GABRG3: variants seen among roughly 807,000 people sequenced by gnomAD.
The protein encoded by GABRG3 is gamma-aminobutyric acid type A receptor subunit gamma3.
A neutral mutation model predicts 48.8 loss-of-function variants in GABRG3; 25 were observed. That is an observed-to-expected ratio of 0.51 (90% CI 0.37 to 0.72). The LOEUF is 0.72. Ranked by LOEUF, GABRG3 falls within the 30% of genes least tolerant of loss-of-function variation. The pLI, the probability that GABRG3 is intolerant of heterozygous loss-of-function variation, is 0.00. For missense variants in GABRG3, 394 were observed against 577.9 expected, an observed-to-expected ratio of 0.68 and a Z score of 3.26; for synonymous variants, 227 against 217.6, an observed-to-expected ratio of 1.04 and a Z score of -0.38.
At chr15:27,003,886 GC>G (rs1487806051) in intron 2 of GABRG3, among the ~76,000 whole-genome samples, 1 of 148,496 alleles carries the variant, frequency 6.7e-6, no homozygotes, top group African/African-American at 2.5e-5. Flanking sequence ...AGACGGGGCG[GC>G]TGGCCGGGCA....
At chr15:27,135,444 T>C (rs1897991952) in intron 3 of GABRG3, among the ~76,000 whole-genome samples, 1 of 152,246 alleles carries the variant, frequency 6.6e-6, no homozygotes, top group Admixed American at 6.5e-5. Context: ...CTCATTTGTT[T>C]AGCAGATCTT....
chr15:27,467,342 G>GT (rs1450358873), intron 5 of GABRG3, among the ~76,000 whole-genome samples: 5 of 152,326 alleles, frequency 3.3e-5, no homozygotes, highest in African/African-American at 9.6e-5. Flanking sequence ...GTATGAATTT[G>GT]TGGGGGGGAC....
At chr15:27,161,958 C>A (rs1424307640) in intron 3 of GABRG3, among the ~76,000 whole-genome samples, 3 of 151,950 alleles carry the variant, frequency 2.0e-5, no homozygotes, top group Non-Finnish European at 4.4e-5. Flanking sequence ...TAAAAGATAT[C>A]CTCCCTGTCT....
chr15:26,995,461 G>A (rs536888500), intron 2 of GABRG3, among the ~76,000 whole-genome samples: 11 of 150,978 alleles, frequency 7.3e-5, no homozygotes, highest in Non-Finnish European at 1.6e-4. Flanking sequence ...TTGCTAATAT[G>A]GTTAGACTTA....
intron 5 of GABRG3, among the ~76,000 whole-genome samples, chr15:27,432,537 C>G (rs1888487463): frequency 6.6e-6 from 1 of 152,164 alleles, no homozygotes; most frequent in Admixed American, 6.5e-5. Context: ...GCCTGATCAC[C>G]TCAGAGAGGC....
At chr15:27,387,820 G>GGAGGGAGA (rs1319373585) in intron 5 of GABRG3, among the ~76,000 whole-genome samples, 6 of 114,816 alleles carry the variant, frequency 5.2e-5, no homozygotes, top group Non-Finnish European at 1.1e-4. Context: ...AGGGAGGGAG[G>GGAGGGAGA]GAGGGAGAGA....
chr15:27,080,132 T>C (rs1896968811), intron 3 of GABRG3, among the ~76,000 whole-genome samples: 1 of 151,958 alleles, frequency 6.6e-6, no homozygotes. Flanking sequence ...ACCATTTCTG[T>C]AGCAAGGGGC....
intron 3 of GABRG3, among the ~76,000 whole-genome samples, chr15:27,054,205 C>T (rs926587470): frequency 6.6e-5 from 10 of 151,606 alleles, no homozygotes; most frequent in Admixed American, 6.6e-5. Flanking sequence ...CACCACTATA[C>T]TCCAGCCTGG....
At chr15:27,045,224 C>T (rs1896342355) in intron 3 of GABRG3, among the ~76,000 whole-genome samples, 2 of 152,152 alleles carry the variant, frequency 1.3e-5, no homozygotes, top group African/African-American at 4.8e-5. Flanking sequence ...CTTATGAGCC[C>T]AGAGGGCTGA....
chr15:27,037,543 T>C (rs1002142253), intron 3 of GABRG3, among the ~76,000 whole-genome samples: 1 of 152,136 alleles, frequency 6.6e-6, no homozygotes, highest in Non-Finnish European at 1.5e-5. Context: ...GAGGGAGAGT[T>C]GTGTGTCTCT....
At position 26,976,535 on chromosome 15, in the gene GABRG3, G is replaced by A. The variant is rs559274606; in HGVS notation, c.54-467G>A. Among the ~76,000 whole-genome samples, 5 of 152,058 alleles carry A rather than the reference G, an allele frequency of 3.3e-5. No individual in the cohort carries two copies. The South Asian group carries it at 1.0e-3, about 32-fold the overall frequency. On this transcript the variant is annotated intron_variant, in intron 1 of 9. Transcript: ENST00000615808. This position sits in a 1 kb window ranked among gnomAD's most constrained non-coding sequence, Gnocchi z 7.8. ...GCACTGAGTCAGACTCAACTATTTT[G>A]AATGAGTCCACTCTGCAAAAGCTAA...
At chr15:27,162,630 A>T (rs563175868) in intron 3 of GABRG3, among the ~76,000 whole-genome samples, 1 of 152,162 alleles carries the variant, frequency 6.6e-6, no homozygotes, top group East Asian at 1.9e-4. Flanking sequence ...GTTTGCTAGA[A>T]TTGGAATAGG....
intron 5 of GABRG3, among the ~76,000 whole-genome samples, chr15:27,332,973 A>G (rs1893850402): frequency 6.6e-6 from 1 of 152,218 alleles, no homozygotes; most frequent in African/African-American, 2.4e-5. Context: ...TCACATTTTA[A>G]AAATTCCTAA....
In GABRG3 at chr15:27,433,544, G is replaced by C. The variant is rs77730352; in HGVS notation, c.575-47106G>C. On this transcript the variant is annotated intron_variant, in intron 5 of 9. Transcript: ENST00000615808. ...TTCTCTTTGCCTTTATGGAGAAGTGGATTTTCAGACGTCTTTACTCTGTCA... is the reference window on the plus strand; with the variant it reads ...TTCTCTTTGCCTTTATGGAGAAGTGCATTTTCAGACGTCTTTACTCTGTCA... Among the ~76,000 whole-genome samples, 1,260 of 152,258 alleles carry C rather than the reference G, an allele frequency of 8.3e-3. 17 individuals are homozygous for C. The highest frequency in any genetic ancestry group is 0.029 in the African/African-American group (1,209 of 41,538).
At chr15:27,283,409 G>A (rs1370401015) in intron 3 of GABRG3, among the ~76,000 whole-genome samples, 3 of 152,180 alleles carry the variant, frequency 2.0e-5, no homozygotes, top group African/African-American at 7.2e-5. Flanking sequence ...TTCAAGACCA[G>A]CCTGGCCAAC....
intron 3 of GABRG3, among the ~76,000 whole-genome samples, chr15:27,241,703 A>C (rs1270247339): frequency 2.0e-5 from 3 of 152,244 alleles, no homozygotes; most frequent in African/African-American, 7.2e-5. Flanking sequence ...CATAGTTAGT[A>C]GTCCACAAAC....
At chr15:27,050,252 T>C (rs1896435065) in intron 3 of GABRG3, among the ~76,000 whole-genome samples, 1 of 152,238 alleles carries the variant, frequency 6.6e-6, no homozygotes, top group Non-Finnish European at 1.5e-5. Context: ...ACTTCCTGTA[T>C]GAAGGAAGGC....
intron 5 of GABRG3, among the ~76,000 whole-genome samples, chr15:27,388,373 G>GAAGGAACGAAAGGGAGGGAGGGAGGGT (rs1168018609): frequency 7.9e-6 from 1 of 125,810 alleles, no homozygotes; most frequent in Non-Finnish European, 1.7e-5. Flanking sequence ...AGGAAGAAAG[G>GAAGGAACGAAAGGGAGGGAGGGAGGGT]AAGGAAGGAA....
intron 3 of GABRG3, among the ~76,000 whole-genome samples, chr15:27,191,033 G>C (rs893401397): frequency 2.0e-5 from 3 of 152,192 alleles, no homozygotes; most frequent in Non-Finnish European, 4.4e-5. Context: ...TAGTTGAGCA[G>C]TTTTGAGTGA....
Sources: gnomAD v4.1 joint callset for allele counts (sites outside exome capture counted in the v4.1 genomes callset) on GRCh38, gnomAD v4.1.1 for gene constraint, Gnocchi (gnomAD v3.1) non-coding constraint, MANE v1.5 for transcripts, NCBI Gene and HGNC (gene_info 2026-07-23, HGNC 2026-07-21) for gene names.